UNG: variants seen among roughly 807,000 people sequenced by gnomAD.
UNG encodes the protein uracil-DNA glycosylase.
Under a neutral mutation model 36.5 loss-of-function variants are expected in UNG, and 34 were observed. The ratio of observed to expected loss-of-function variants is 0.93; its 90% CI spans 0.71 to 1.24. The LOEUF is 1.24. Among genes scored for constraint, UNG ranks in the 50% most tolerant of loss-of-function variants. The pLI, the probability that UNG is intolerant of heterozygous loss-of-function variation, is 0.00. For missense variants in UNG, 391 were observed against 397.6 expected, an observed-to-expected ratio of 0.98 and a Z score of 0.14; for synonymous variants, 172 against 157.8, an observed-to-expected ratio of 1.09 and a Z score of -0.67.
intron 6 of UNG, among the ~76,000 whole-genome samples, chr12:109,107,850 TTTTTTG>T (rs1184819195): frequency 2.6e-5 from 4 of 152,046 alleles, no homozygotes; most frequent in African/African-American, 4.8e-5. Flanking sequence ...GTGGCGAGAT[TTTTTTG>T]TTTTTGTTTT....
chr12:109,110,081 A>G lies in UNG; in HGVS notation c.*112A>G. ...TTAAGTACTCTGCATAAGGGGGAAA[A>G]GCTTCCAGAAAGCAGCCATGAACCA... On this transcript the variant is annotated 3_prime_UTR_variant, in exon 7 of 7. Coordinates refer to ENST00000242576, the MANE Select transcript of UNG (RefSeq NM_080911.3). 2 of 1,484,336 alleles carry G rather than the reference A, an allele frequency of 1.3e-6. No homozygotes were observed. The highest frequency in any genetic ancestry group is 1.8e-6 in the Non-Finnish European group (2 of 1,087,950). The allele number at this position is 1,484,336 out of a possible 1,614,324, so 91.9% of individuals were successfully genotyped here. A position where few individuals can be genotyped will look rare whatever the true frequency, so the allele number is the denominator to read the frequency against.
At chr12:109,108,608 G>A (rs2042235940) in intron 6 of UNG, among the ~76,000 whole-genome samples, 1 of 151,942 alleles carries the variant, frequency 6.6e-6, no homozygotes, top group Admixed American at 6.6e-5. Context: ...CTCTAGCCTG[G>A]GTGACAGAGT....
At chr12:109,098,681 C>T (rs1282020527) in intron 2 of UNG, 43 bp downstream of exon 2, 2 of 1,611,994 alleles carry the variant, frequency 1.2e-6, no homozygotes, top group South Asian at 2.2e-5. Context: ...AATGTGGAGG[C>T]TGCCGGCCCT....
At chr12:109,109,754 ACT>A (rs1156918533) in intron 6 of UNG, 73 bp from the exon 7 acceptor site, 171 of 1,364,532 alleles carry the variant, frequency 1.3e-4, no homozygotes, top group Admixed American at 1.8e-4. Flanking sequence ...CTGCAGCAAG[ACT>A]CTGTCTCAAA....
In UNG at chr12:109,101,982, T is replaced by C; in HGVS notation, c.516T>C (p.Pro172=). The C allele has an allele frequency of 2.5e-6, 4 of 1,614,010 alleles. No homozygotes were observed. The highest frequency in any genetic ancestry group is 3.4e-6 in the Non-Finnish European group (4 of 1,179,976). The part of the protein sequence containing the change: ...AHGLCFSVQR[P]VPPPPSLENI... ...GGCTCTGCTTTAGTGTTCAAAGGCC[T>C]GTTCCGCCTCCGCCCAGGTACAGTT... is the stretch of plus-strand genomic sequence containing the variant. The change falls in exon 4 of 7, where the codon CCT becomes CCC. Residue 172 remains proline (P), a synonymous_variant. Coordinates refer to ENST00000242576, the MANE Select transcript of UNG (RefSeq NM_080911.3).
chr12:109,098,033 C>T, intron 1 of UNG: 10 of 1,334,880 alleles, frequency 7.5e-6, no homozygotes, highest in Non-Finnish European at 9.8e-6. Flanking sequence ...GGCGCCAATC[C>T]GCGCGCCGCA....
intron 6 of UNG, among the ~76,000 whole-genome samples, chr12:109,109,581 G>A (rs910869158): frequency 2.0e-5 from 3 of 151,566 alleles, no homozygotes; most frequent in Non-Finnish European, 2.9e-5. Flanking sequence ...TCAAGAGATC[G>A]AGACCATCCT....
intron 6 of UNG, 122 bp from the exon 7 acceptor site, chr12:109,109,707 C>G (rs921481378): frequency 8.0e-7 from 1 of 1,245,768 alleles, no homozygotes; most frequent in African/African-American, 1.6e-5. Flanking sequence ...CGCTTGAACC[C>G]GGGAGGCGGA....
chr12:109,101,736 A>G (rs2042178450), intron 3 of UNG, among the ~76,000 whole-genome samples, 166 bp from the exon 4 acceptor site: 1 of 152,198 alleles, frequency 6.6e-6, no homozygotes, highest in Non-Finnish European at 1.5e-5. Flanking sequence ...AGCTAGGTAC[A>G]TATCTTTACA....
intron 1 of UNG, 96 bp from the exon 2 acceptor site, chr12:109,098,336 T>G (rs1168220522): frequency 6.2e-7 from 1 of 1,601,640 alleles, no homozygotes; most frequent in East Asian, 2.2e-5. Context: ...AATGGGCGTC[T>G]TCTGCCTTGG....
At chr12:109,103,027 C>T (rs1312015197) in intron 5 of UNG, 100 bp downstream of exon 5, 1 of 852,912 alleles carries the variant, frequency 1.2e-6, no homozygotes, top group South Asian at 1.4e-5. Flanking sequence ...TCTCAGCTTA[C>T]TGCAACCTCT....
intron 3 of UNG, among the ~76,000 whole-genome samples, chr12:109,101,187 G>C (rs2135885019): frequency 7.4e-6 from 1 of 134,590 alleles, no homozygotes. Context: ...CCACCCCCTG[G>C]GTTCAAGCGA....
intron 4 of UNG, 53 bp downstream of exon 4, chr12:109,102,052 G>A (rs2042182568): frequency 2.0e-6 from 3 of 1,521,798 alleles, no homozygotes; most frequent in African/African-American, 1.4e-5. Flanking sequence ...TTTCAGATGT[G>A]TACTTAGCTT....
In UNG at chr12:109,103,422, C is replaced by T; in HGVS notation, c.623-11C>T. The T allele has an allele frequency of 6.2e-7, 1 of 1,613,728 alleles. No homozygotes were observed. Among genetic ancestry groups the T allele is most frequent in the Non-Finnish European group, 8.5e-7 (1 of 1,179,708 alleles). The stretch of plus-strand genomic sequence containing the variant: ...GAGCCTACATTTAACCTGTTTCTCT[C>T]ATGTGTATAGGTGTTCTCCTTCTCA... On this transcript the variant is annotated splice_polypyrimidine_tract_variant and intron_variant, in intron 5 of 6. Transcript: ENST00000242576.
At chr12:109,100,258 A>G (rs2042166859) in intron 3 of UNG, among the ~76,000 whole-genome samples, 2 of 152,168 alleles carry the variant, frequency 1.3e-5, no homozygotes, top group South Asian at 2.1e-4. Flanking sequence ...ACCTCCTTGA[A>G]TTGAAGTCCG....
intron 6 of UNG, among the ~76,000 whole-genome samples, chr12:109,105,572 T>C (rs1418181548): frequency 5.9e-5 from 9 of 152,150 alleles, no homozygotes; most frequent in African/African-American, 2.2e-4. Context: ...AATTCAACAT[T>C]TTCCAAACGA....
At position 109,103,616 on chromosome 12, in the gene UNG, GTT is replaced by G. The variant is rs2042195778; in HGVS notation, c.801+8_801+9del. The G allele has an allele frequency of 1.9e-6, 3 of 1,605,742 alleles. No homozygotes were observed. The East Asian group carries it at 6.7e-5, about 36-fold the overall frequency. Reference sequence around the variant, plus strand: ...AAGGGCAGTGCCATTGATAGGGTATGTTTTGTTTTCTTTCTTTTTTTTCTTTT... The same window carrying G: ...AAGGGCAGTGCCATTGATAGGGTATGTTGTTTTCTTTCTTTTTTTTCTTTT... On this transcript the variant is annotated splice_donor_region_variant and intron_variant, in intron 6 of 6. Transcript: ENST00000242576.
intron 6 of UNG, among the ~76,000 whole-genome samples, chr12:109,106,491 TA>T (rs1307364734): frequency 1.3e-5 from 2 of 152,250 alleles, no homozygotes; most frequent in South Asian, 2.1e-4. Context: ...AAAAATGGTC[TA>T]TATCTCCCTG....
At chr12:109,109,483 G>GA (rs58043104) in intron 6 of UNG, among the ~76,000 whole-genome samples, 63 of 147,542 alleles carry the variant, frequency 4.3e-4, no homozygotes, top group Non-Finnish European at 5.0e-4. Flanking sequence ...CCTTTTTGGG[G>GA]AAAAAAAAAA....
Sources: gnomAD v4.1 joint callset for allele counts (sites outside exome capture counted in the v4.1 genomes callset) on GRCh38, gnomAD v4.1.1 for gene constraint, MANE v1.5 for transcripts, NCBI Gene and HGNC (gene_info 2026-07-23, HGNC 2026-07-21) for gene names.